The following ITGA11 variants were observed in gnomAD, a reference collection of about 807,000 sequenced individuals.
ITGA11 encodes integrin alpha-11.
In ITGA11, 97 loss-of-function variants were observed where a neutral mutation model predicts 141.9. The observed-to-expected ratio is 0.68, with a 90% CI of 0.58 to 0.81. ITGA11 has a LOEUF of 0.81. Among genes scored for constraint, ITGA11 ranks in the 30% least tolerant of loss-of-function variants. ITGA11 has a pLI of 0.00. For missense variants in ITGA11, 1,387 were observed against 1,559.2 expected, an observed-to-expected ratio of 0.89 and a Z score of 1.86; for synonymous variants, 658 against 624.6, an observed-to-expected ratio of 1.05 and a Z score of -0.80.
rs1052671958 is a variant in ITGA11, at chr15:68,429,237, C to T, written c.52+2778G>A. ...GGCACAGAGCCATGGAGTAACTTGC[C>T]AAGAGCACAGAGCCCTAACCGGCAG... On this transcript the variant is annotated intron_variant, in intron 1 of 29. Coordinates refer to ENST00000315757, the MANE Select transcript of ITGA11 (RefSeq NM_001004439.2). Among the ~76,000 whole-genome samples the T allele has an allele frequency of 3.9e-5, 6 of 152,184 alleles. No homozygotes were observed. The South Asian group carries it at 1.2e-3, about 32-fold the overall frequency.
chr15:68,320,519 C>A (rs1893768564), intron 19 of ITGA11, 127 bp from the exon 20 acceptor site: 1 of 677,554 alleles, frequency 1.5e-6, no homozygotes. Context: ...TGGGAATAGC[C>A]ACTGGGAGGA....
At position 68,432,008 on chromosome 15, in the gene ITGA11, C is replaced by T; in HGVS notation, c.52+7G>A. The T allele has an allele frequency of 7.6e-7, 1 of 1,311,858 alleles. No individual in the cohort carries two copies. Among genetic ancestry groups the T allele is most frequent in the African/African-American group, 1.5e-5 (1 of 65,036 alleles). 81.3% of individuals were successfully genotyped at this position (1,311,858 alleles called of 1,614,324 possible). A position where few individuals can be genotyped will look rare whatever the true frequency, so the allele number is the denominator to read the frequency against. On this transcript the variant is annotated splice_region_variant and intron_variant, in intron 1 of 29. Coordinates refer to ENST00000315757, the MANE Select transcript of ITGA11 (RefSeq NM_001004439.2). ...GAGGCAAGGGGAGGCAGAGGGTGGG[C>T]ACCTACCTGGCCACAGGCTGAGCGC...
intron 4 of ITGA11, 49 bp downstream of exon 4, chr15:68,364,658 C>A (rs774556394): frequency 5.7e-6 from 7 of 1,227,162 alleles, no homozygotes; most frequent in Non-Finnish European, 8.4e-6. Context: ...CCCCTCCCCA[C>A]CCCCACCCCT....
At chr15:68,385,803 G>C (rs1230445854) in intron 2 of ITGA11, among the ~76,000 whole-genome samples, 1 of 152,146 alleles carries the variant, frequency 6.6e-6, no homozygotes, top group Non-Finnish European at 1.5e-5. Context: ...TGTGACCTTG[G>C]TCTGGTCTCT....
intron 22 of ITGA11, among the ~76,000 whole-genome samples, chr15:68,314,139 A>G (rs1157220914): frequency 6.6e-6 from 1 of 152,122 alleles, no homozygotes; most frequent in African/African-American, 2.4e-5. Flanking sequence ...CCTGGCACGG[A>G]CTGGACCCCA....
intron 4 of ITGA11, among the ~76,000 whole-genome samples, chr15:68,363,508 C>T (rs1895318096): frequency 6.6e-6 from 1 of 152,126 alleles, no homozygotes; most frequent in South Asian, 2.1e-4. Flanking sequence ...ACTCAAGTCC[C>T]CTTGCATCCC....
intron 26 of ITGA11, among the ~76,000 whole-genome samples, chr15:68,309,530 C>CCAT (rs1893308703): frequency 6.6e-6 from 1 of 151,826 alleles, no homozygotes; most frequent in Non-Finnish European, 1.5e-5. Flanking sequence ...ATGATACCAA[C>CCAT]CATGTAGTCC....
intron 15 of ITGA11, among the ~76,000 whole-genome samples, chr15:68,330,592 G>A (rs954181390): frequency 4.0e-5 from 6 of 151,862 alleles, no homozygotes; most frequent in Non-Finnish European, 8.8e-5. Flanking sequence ...AAGTCAGAGC[G>A]CTTTGGAGGA....
rs945065709 is a variant in ITGA11, at chr15:68,418,990, G to C, written c.52+13025C>G. ...GGTGAAGAGGACTCAGAGAACTACT[G>C]GGCCAGTCTGCCCTGCTCTTTGAAT... On this transcript the variant is annotated intron_variant, in intron 1 of 29. Transcript: ENST00000315757. 1.3e-5 allele frequency among the ~76,000 whole-genome samples: 2 copies of C among 152,120 alleles called. 1 individual carries two copies. Among genetic ancestry groups the C allele is most frequent in the East Asian group, 3.9e-4 (2 of 5,124 alleles).
Position 68,326,577 on chromosome 15 carries a change from C to A in ITGA11, c.2211+77G>T. 6.8e-7 allele frequency: 1 copy of A among 1,467,338 alleles called. No individual in the cohort carries two copies. The highest frequency in any genetic ancestry group is 1.4e-5 in the South Asian group (1 of 73,028). 90.9% of individuals were successfully genotyped at this position (1,467,338 alleles called of 1,614,324 possible). ...TGCTGGGGGCTTAGAACCAGCCAGG[C>A]AGACTCTCTGCCTCTCCCACGGCAG... On this transcript the variant is annotated intron_variant, in intron 17 of 29. Coordinates refer to ENST00000315757, the MANE Select transcript of ITGA11 (RefSeq NM_001004439.2). This position sits in a 1 kb window ranked among gnomAD's most constrained non-coding sequence, Gnocchi z 6.8.
chr15:68,396,794 A>G (rs1180318031), intron 2 of ITGA11, among the ~76,000 whole-genome samples: 1 of 146,728 alleles, frequency 6.8e-6, no homozygotes, highest in East Asian at 2.0e-4. Flanking sequence ...TGAAAAATGA[A>G]ATAAGTATTT....
intron 1 of ITGA11, among the ~76,000 whole-genome samples, chr15:68,427,832 G>A (rs1399173389): frequency 1.3e-5 from 2 of 152,144 alleles, no homozygotes; most frequent in Non-Finnish European, 2.9e-5. Context: ...ATGTGTGGGT[G>A]TCTTTGGAGC....
chr15:68,319,621 TTC>T lies in ITGA11; in HGVS notation c.2616+562_2616+563del, dbSNP rs1265785529. Reference sequence around the variant, plus strand: ...AAGTTTTAACCTGGGGAAGAACCGGTTCTGATTCTTGTCAGAAGGACCTTCCG... The same window carrying T: ...AAGTTTTAACCTGGGGAAGAACCGGTTGATTCTTGTCAGAAGGACCTTCCG... On this transcript the variant is annotated intron_variant, in intron 20 of 29. Transcript: ENST00000315757. Among the ~76,000 whole-genome samples the T allele has an allele frequency of 3.3e-5, 5 of 152,214 alleles. 1 individual carries two copies. The South Asian group carries it at 6.2e-4, about 19-fold the overall frequency.
intron 2 of ITGA11, among the ~76,000 whole-genome samples, chr15:68,371,729 A>T (rs1895596384): frequency 6.6e-6 from 1 of 151,832 alleles, no homozygotes; most frequent in Non-Finnish European, 1.5e-5. Flanking sequence ...GGGAAAAGAA[A>T]AAGAAAGAAA....
intron 24 of ITGA11, among the ~76,000 whole-genome samples, chr15:68,312,408 G>T (rs918069933): frequency 6.6e-6 from 1 of 152,162 alleles, no homozygotes; most frequent in Admixed American, 6.5e-5. Context: ...GTAAGTTCAC[G>T]CTGAGGATGG....
intron 24 of ITGA11, among the ~76,000 whole-genome samples, chr15:68,312,408 G>A (rs918069933): frequency 2.6e-5 from 4 of 152,280 alleles, no homozygotes; most frequent in African/African-American, 4.8e-5. Context: ...GTAAGTTCAC[G>A]CTGAGGATGG....
chr15:68,315,598 G>T, intron 22 of ITGA11, 53 bp downstream of exon 22: 3 of 1,462,112 alleles, frequency 2.1e-6, no homozygotes, highest in Non-Finnish European at 1.9e-6. Context: ...CAGCCAGAGA[G>T]CTGGGCCCCG....
Position 68,333,713 on chromosome 15 carries a change from C to T in ITGA11, c.1426-1235G>A, listed in dbSNP as rs1894254687. ...CAGGCTGGCCCCTTCAGCCCACCCC[C>T]ATGGCAGCTGGCGTGGCCTCTAACA... is the stretch of plus-strand genomic sequence containing the variant. On this transcript the variant is annotated intron_variant, in intron 12 of 29. Transcript: ENST00000315757. This position sits in a 1 kb window ranked among gnomAD's most constrained non-coding sequence, Gnocchi z 4.2. 6.6e-6 allele frequency among the ~76,000 whole-genome samples: 1 copy of T among 152,224 alleles called. No homozygotes were observed. The highest frequency in any genetic ancestry group is 1.9e-4 in the East Asian group (1 of 5,198).
rs563615129 is a variant in ITGA11 at position 68,308,035 on chromosome 15, C to T, written c.3175-339G>A. ...ATAAAAAATTCTATGATCGCTGCAA[C>T]AGATGCAGAAAAAGTATTTTAGGAA... On this transcript the variant is annotated intron_variant, in intron 26 of 29. Coordinates refer to ENST00000315757, the MANE Select transcript of ITGA11 (RefSeq NM_001004439.2). This position sits in a 1 kb window ranked among gnomAD's most constrained non-coding sequence, Gnocchi z 5.2. Among the ~76,000 whole-genome samples, 4 of 152,322 alleles carry T rather than the reference C, an allele frequency of 2.6e-5. No homozygotes were observed. The highest frequency in any genetic ancestry group is 2.6e-4 in the Admixed American group (4 of 15,308).
Sources: allele counts gnomAD v4.1 joint callset (sites outside exome capture counted in the v4.1 genomes callset), GRCh38; gene constraint gnomAD v4.1.1; non-coding constraint Gnocchi (gnomAD v3.1); transcripts MANE v1.5; gene names NCBI Gene and HGNC (gene_info 2026-07-23, HGNC 2026-07-21).